The following PRKAR2B variants were observed in gnomAD, a reference collection of about 807,000 sequenced individuals.
The protein encoded by PRKAR2B is protein kinase cAMP-dependent type II regulatory subunit beta.
PRKAR2B carries 14 observed loss-of-function variants against 49.9 expected under a neutral mutation model. The observed-to-expected ratio is 0.28, with a 90% CI of 0.19 to 0.44. The LOEUF (loss-of-function observed/expected upper bound fraction) is 0.44. PRKAR2B is among the 20% of genes least tolerant of loss of function. The pLI is 1.00. For missense variants in PRKAR2B, 393 were observed against 537.9 expected, an observed-to-expected ratio of 0.73 and a Z score of 2.67; for synonymous variants, 196 against 197.7, an observed-to-expected ratio of 0.99 and a Z score of 0.07.
chr7:107,059,932 A>T (rs1289617116), intron 1 of PRKAR2B, among the ~76,000 whole-genome samples: 6 of 152,120 alleles, frequency 3.9e-5, no homozygotes, highest in Admixed American at 3.9e-4. Context: ...ATGATGTATG[A>T]TATTGCGACA....
chr7:107,157,855 A>G (rs934976310), intron 10 of PRKAR2B, among the ~76,000 whole-genome samples: 1 of 152,232 alleles, frequency 6.6e-6, no homozygotes, highest in Non-Finnish European at 1.5e-5. Context: ...GCATCTGTAT[A>G]TATCTGAGAT....
Position 107,045,149 on chromosome 7 carries a change from T to A in PRKAR2B, c.242T>A (p.Met81Lys). The change falls in exon 1 of 11, where the codon ATG (methionine) becomes AAG (lysine). Residue 81 changes from methionine to lysine, a missense_variant. Physicochemically the swap from Met to Lys is moderately conservative, Grantham distance 95. This residue lies in a region of PRKAR2B where 160 missense variants were observed against 147.6 expected (regional missense o/e 1.08). Transcript: ENST00000265717. ...GGGGTCAACTTCGCCGAGGAGCCCA[T>A]GCAGTCCGACTCCGAGGACGGGGAG... is the stretch of plus-strand genomic sequence containing the variant. ...SKGVNFAEEP[M>K]QSDSEDGEEE... 2 of 1,509,462 alleles carry A rather than the reference T, an allele frequency of 1.3e-6. No homozygotes were observed. The highest frequency in any genetic ancestry group is 2.0e-5 in the Admixed American group (1 of 48,920). 93.5% of individuals were successfully genotyped at this position (1,509,462 alleles called of 1,614,324 possible).
chr7:107,075,483 T>TC (rs1794379620), intron 2 of PRKAR2B, among the ~76,000 whole-genome samples: 2 of 151,966 alleles, frequency 1.3e-5, no homozygotes, highest in South Asian at 4.2e-4. Flanking sequence ...CACTGCAGCC[T>TC]CCACCTTCCA....
intron 1 of PRKAR2B, among the ~76,000 whole-genome samples, chr7:107,063,857 T>C (rs886562527): frequency 1.3e-5 from 2 of 152,216 alleles, no homozygotes; most frequent in Non-Finnish European, 2.9e-5. Flanking sequence ...ATTTGAACTC[T>C]TTGCAGCTTC....
intron 2 of PRKAR2B, among the ~76,000 whole-genome samples, chr7:107,075,107 A>ATT (rs1368558750): frequency 2.8e-5 from 4 of 144,470 alleles, no homozygotes; most frequent in Admixed American, 6.9e-5. Flanking sequence ...TTATTTTTAA[A>ATT]TTTTTTTTTT....
chr7:107,076,909 A>C (rs924232694), intron 2 of PRKAR2B, among the ~76,000 whole-genome samples: 6 of 152,210 alleles, frequency 3.9e-5, no homozygotes, highest in Non-Finnish European at 8.8e-5. Flanking sequence ...GTGAAATAGC[A>C]GAAGTTCACA....
At chr7:107,050,018 T>C (rs1440616724) in intron 1 of PRKAR2B, among the ~76,000 whole-genome samples, 2 of 152,190 alleles carry the variant, frequency 1.3e-5, no homozygotes, top group Admixed American at 6.5e-5. Context: ...AGAACATTAT[T>C]CATTTTACTA....
intron 3 of PRKAR2B, among the ~76,000 whole-genome samples, chr7:107,122,305 A>C (rs1180673299): frequency 2.0e-5 from 3 of 152,192 alleles, no homozygotes; most frequent in Non-Finnish European, 4.4e-5. Flanking sequence ...TAGTAAACAA[A>C]AATACTGGGA....
intron 2 of PRKAR2B, among the ~76,000 whole-genome samples, chr7:107,101,185 T>C (rs1237385825): frequency 6.7e-6 from 1 of 148,186 alleles, no homozygotes; most frequent in Non-Finnish European, 1.5e-5. Context: ...ATCTGTATGC[T>C]CTGTCTTTGC....
chr7:107,128,787 GTTTTTTTTTT>G (rs10693133), intron 4 of PRKAR2B: 1 of 125,580 alleles, frequency 8.0e-6, no homozygotes, highest in East Asian at 2.3e-4. Flanking sequence ...TTAAGGTGAG[GTTTTTTTTTT>G]TTTTTTTTGG....
intron 2 of PRKAR2B, chr7:107,077,988 G>A (rs918323109): frequency 2.0e-5 from 3 of 152,260 alleles, no homozygotes; most frequent in Admixed American, 1.3e-4. Flanking sequence ...GATCACCTGA[G>A]GTCAGGAGTT....
chr7:107,130,086 C>T (rs2115609517), intron 4 of PRKAR2B, among the ~76,000 whole-genome samples: 1 of 152,330 alleles, frequency 6.6e-6, no homozygotes, highest in African/African-American at 2.4e-5. Flanking sequence ...TGCTCTGGTT[C>T]ATGCACCTCG....
At chr7:107,080,915 C>A (rs1012815338) in intron 2 of PRKAR2B, among the ~76,000 whole-genome samples, 1 of 152,104 alleles carries the variant, frequency 6.6e-6, no homozygotes, top group African/African-American at 2.4e-5. Flanking sequence ...AGCTGTGTGA[C>A]CTTGGGCAAC....
At chr7:107,072,066 C>G (rs1043999813) in intron 2 of PRKAR2B, among the ~76,000 whole-genome samples, 1 of 116,802 alleles carries the variant, frequency 8.6e-6, no homozygotes, top group Non-Finnish European at 1.9e-5. Flanking sequence ...GAGACCGCAT[C>G]TCAAAAAAAA....
intron 2 of PRKAR2B, among the ~76,000 whole-genome samples, chr7:107,104,982 C>T (rs905695310): frequency 9.9e-5 from 15 of 152,240 alleles, no homozygotes; most frequent in African/African-American, 3.1e-4. Flanking sequence ...ATTTGATTTA[C>T]TTATGGGCAA....
intron 4 of PRKAR2B, among the ~76,000 whole-genome samples, chr7:107,137,857 C>T (rs745362433): frequency 1.9e-4 from 29 of 152,198 alleles, no homozygotes; most frequent in Non-Finnish European, 3.8e-4. Flanking sequence ...TTTCTGGAAG[C>T]TTTGCAGATC....
At chr7:107,088,693 G>A (rs981696066) in intron 2 of PRKAR2B, among the ~76,000 whole-genome samples, 6 of 151,970 alleles carry the variant, frequency 3.9e-5, no homozygotes, top group Non-Finnish European at 7.4e-5. Flanking sequence ...TCCTCTTCTC[G>A]GGTTCAGATG....
chr7:107,141,671 C>A (rs1795792694), intron 5 of PRKAR2B, among the ~76,000 whole-genome samples: 2 of 152,056 alleles, frequency 1.3e-5, no homozygotes, highest in Admixed American at 1.3e-4. Context: ...ACAACCTGGG[C>A]AACAAGAGTG....
Position 107,130,186 on chromosome 7 carries a change from A to G in PRKAR2B, c.480+1891A>G, listed in dbSNP as rs531566833. 4.5e-4 allele frequency among the ~76,000 whole-genome samples: 69 copies of G among 152,170 alleles called. 4 individuals are homozygous for G. The highest frequency in any genetic ancestry group is 2.0e-4 in the Admixed American group (3 of 15,282). On this transcript the variant is annotated intron_variant, in intron 4 of 10. Transcript: ENST00000265717. ...AATAAAATGATGGTGTTTAAGTAATATCTAATTCAAGTCTTGTTAAAAGTT... is the reference window on the plus strand; with the variant it reads ...AATAAAATGATGGTGTTTAAGTAATGTCTAATTCAAGTCTTGTTAAAAGTT...
Sources: allele counts gnomAD v4.1 joint callset (sites outside exome capture counted in the v4.1 genomes callset), GRCh38; gene constraint gnomAD v4.1.1; regional missense constraint gnomAD v4.1.1; transcripts MANE v1.5; gene names NCBI Gene and HGNC (gene_info 2026-07-23, HGNC 2026-07-21).